The following DSG3 variants were observed in gnomAD, a reference collection of about 807,000 sequenced individuals.
DSG3 encodes the protein desmoglein-3.
In DSG3, 63 loss-of-function variants were observed where a neutral mutation model predicts 85.9. The ratio of observed to expected loss-of-function variants is 0.73; its 90% CI spans 0.60 to 0.90. The LOEUF (loss-of-function observed/expected upper bound fraction) is 0.90. Among genes scored for constraint, DSG3 ranks in the 40% least tolerant of loss-of-function variants. DSG3 has a pLI of 0.00. For missense variants in DSG3, 1,220 were observed against 1,219.9 expected (o/e 1.00, Z 0.00); for synonymous variants, 447 against 441.9 (o/e 1.01, Z -0.14).
chr18:31,464,005 C>T, intron 8 of DSG3, 106 bp from the exon 9 acceptor site: 4 of 1,081,586 alleles, frequency 3.7e-6, no homozygotes, highest in Non-Finnish European at 5.3e-6. Flanking sequence ...TATTTAAAAA[C>T]AAGAGAATTC....
chr18:31,472,487 A>G, intron 13 of DSG3, 64 bp downstream of exon 13: 2 of 1,540,702 alleles, frequency 1.3e-6, no homozygotes, highest in Admixed American at 4.0e-5. Context: ...ATTTACATTG[A>G]GATAGGAAAA....
chr18:31,460,701 C>T, intron 6 of DSG3, 132 bp from the exon 7 acceptor site: 2 of 794,594 alleles, frequency 2.5e-6, no homozygotes, highest in South Asian at 2.1e-5. Context: ...CTCCACCCAA[C>T]CATCCAGAGT....
chr18:31,456,841 C>A, intron 2 of DSG3, 152 bp from the exon 3 acceptor site: 1 of 656,216 alleles, frequency 1.5e-6, no homozygotes. Context: ...TTATTACTTG[C>A]TTGACAAAGT....
chr18:31,471,674 A>T (rs1006838901), intron 12 of DSG3, among the ~76,000 whole-genome samples: 6 of 152,238 alleles, frequency 3.9e-5, no homozygotes, highest in Admixed American at 1.3e-4. Context: ...AAGGATGTGC[A>T]CAGAAAGATA....
intron 15 of DSG3, among the ~76,000 whole-genome samples, chr18:31,474,647 C>CG (rs1568092290): frequency 6.6e-6 from 1 of 152,048 alleles, no homozygotes; most frequent in African/African-American, 2.4e-5. Flanking sequence ...CCCAGCTACT[C>CG]GGGAGGCTGA....
intron 3 of DSG3, among the ~76,000 whole-genome samples, chr18:31,457,844 T>C (rs1400588145): frequency 1.3e-5 from 2 of 151,976 alleles, no homozygotes; most frequent in Non-Finnish European, 2.9e-5. Context: ...TTGGCCAGGC[T>C]GATCTCGAAC....
chr18:31,459,816 C>T, intron 5 of DSG3, 29 bp from the exon 6 acceptor site: 1 of 1,571,994 alleles, frequency 6.4e-7, no homozygotes, highest in African/African-American at 1.4e-5. Flanking sequence ...GTTACATATT[C>T]TTTAATAAAC....
intron 8 of DSG3, among the ~76,000 whole-genome samples, chr18:31,462,207 GGTCC>G (rs1406222456): frequency 6.6e-6 from 1 of 152,004 alleles, no homozygotes; most frequent in Non-Finnish European, 1.5e-5. Flanking sequence ...TGAGTAGCAG[GGTCC>G]GCATCATGTG....
In DSG3 at chr18:31,458,554, TTAACATAACAGCTATAG is replaced by T. The variant is rs1265811283; in HGVS notation, c.328_344del (p.Asn110ArgfsTer31). 5.0e-6 allele frequency: 8 copies of T among 1,613,938 alleles called. No homozygotes were observed. Among genetic ancestry groups the T allele is most frequent in the Non-Finnish European group, 5.1e-6 (6 of 1,179,968 alleles). ...GTTGTTGACAAAAACACTGGAGATA[TTAACATAACAGCTATAG>T]TCGACCGGGAGGAAACTCCAAGCTT... On this transcript the variant is annotated frameshift_variant, in exon 4 of 16. Coordinates refer to ENST00000257189, the MANE Select transcript of DSG3 (RefSeq NM_001944.3). LOFTEE classifies it high-confidence loss of function.
At chr18:31,463,967 A>G in intron 8 of DSG3, 144 bp from the exon 9 acceptor site, 1 of 799,788 alleles carries the variant, frequency 1.3e-6, no homozygotes, top group East Asian at 2.7e-5. Flanking sequence ...CTGTCTCAAC[A>G]TTACAATAAT....
At chr18:31,452,467 C>T (rs2072717247) in intron 1 of DSG3, among the ~76,000 whole-genome samples, 1 of 131,618 alleles carries the variant, frequency 7.6e-6, no homozygotes, top group Non-Finnish European at 1.5e-5. Flanking sequence ...TGCAGTGAGC[C>T]GAGATGGCGC....
In DSG3 at chr18:31,474,374, C is replaced by T. The variant is rs1438971697; in HGVS notation, c.2355C>T (p.Ser785=). 2 of 1,608,032 alleles carry T rather than the reference C, an allele frequency of 1.2e-6. No homozygotes were observed. Among genetic ancestry groups the T allele is most frequent in the Middle Eastern group, 1.7e-4 (1 of 6,030 alleles). The change falls in exon 15 of 16, where the codon AGC becomes AGT. Residue 785 remains serine (S), a synonymous_variant. Transcript: ENST00000257189. The part of the protein sequence containing the change: ...TNKDYADGAI[S]MNFLDSYFSQ... ...AGGACTACGCTGATGGGGCGATAAGCATGAATTTTCTGGACTCCTACTTTT... is the reference window on the plus strand; with the variant it reads ...AGGACTACGCTGATGGGGCGATAAGTATGAATTTTCTGGACTCCTACTTTT...
At chr18:31,462,853 C>T (rs1043637861) in intron 8 of DSG3, among the ~76,000 whole-genome samples, 4 of 152,172 alleles carry the variant, frequency 2.6e-5, no homozygotes, top group African/African-American at 9.6e-5. Flanking sequence ...TTCTTAAAAA[C>T]AATTTGGATC....
At position 31,457,003 on chromosome 18, in the gene DSG3, A is replaced by T. The variant is rs576824801; in HGVS notation, c.95A>T (p.Gln32Leu). Residue 32 changes from glutamine to leucine, a missense_variant, in exon 3 of 16, where the codon CAA becomes CTA. By Grantham distance (113) the Gln-to-Leu change is moderately radical. Transcript: ENST00000257189. ...HGELRIETKG[Q>L]YDEEEMTMQQ... ...CCCTTTTTACATAAGACTAAAGGTCAATATGATGAAGAAGAGATGACTATG... is the reference window on the plus strand; with the variant it reads ...CCCTTTTTACATAAGACTAAAGGTCTATATGATGAAGAAGAGATGACTATG... 12 of 1,608,410 alleles carry T rather than the reference A, an allele frequency of 7.5e-6. No individual in the cohort carries two copies. The African/African-American group carries it at 1.5e-4, about 20-fold the overall frequency.
intron 1 of DSG3, 49 bp from the exon 2 acceptor site, chr18:31,456,391 C>T (rs1330878082): frequency 8.6e-7 from 1 of 1,159,664 alleles, no homozygotes; most frequent in Non-Finnish European, 1.1e-6. Flanking sequence ...TATATAATTC[C>T]TTATTTGAAG....
rs2072725669 is a variant in DSG3, at chr18:31,453,839, T to A, written c.49-2601T>A. Among the ~76,000 whole-genome samples the A allele has an allele frequency of 4.6e-5, 7 of 152,094 alleles. No individual in the cohort carries two copies. The South Asian group carries it at 1.4e-3, about 31-fold the overall frequency. On this transcript the variant is annotated intron_variant, in intron 1 of 15. Transcript: ENST00000257189. ...ATCGTCAGAAAACTATGTAAATATT[T>A]ATTGGCTTGATTTAGTCATTCCACA...
At chr18:31,475,540 A>T in intron 15 of DSG3, 106 bp from the exon 16 acceptor site, 1 of 1,316,782 alleles carries the variant, frequency 7.6e-7, no homozygotes, top group Non-Finnish European at 1.0e-6. Flanking sequence ...TCTATGGATT[A>T]CCTAGTTTGG....
In DSG3 at chr18:31,460,849, G is replaced by T; in HGVS notation, c.701G>T (p.Arg234Leu). ...SLDREQASSY[R>L]LVVSGADKDG... ...CAAAATTAGCAAGCTAGCAGCTATC[G>T]TCTGGTTGTGAGTGGTGCAGACAAA... is the stretch of plus-strand genomic sequence containing the variant. The change falls in exon 7 of 16, where the codon CGT becomes CTT. Residue 234 changes from arginine (R) to leucine (L), a missense_variant. Coordinates refer to ENST00000257189, the MANE Select transcript of DSG3 (RefSeq NM_001944.3). 1.9e-6 allele frequency: 3 copies of T among 1,581,094 alleles called. No homozygotes were observed. Among genetic ancestry groups the T allele is most frequent in the South Asian group, 1.2e-5 (1 of 83,610 alleles).
intron 3 of DSG3, among the ~76,000 whole-genome samples, chr18:31,457,608 CTTTCTTTCTT>C (rs2072756375): frequency 3.1e-5 from 3 of 97,432 alleles, no homozygotes; most frequent in African/African-American, 1.0e-4. Flanking sequence ...TTCTTTCTTT[CTTTCTTTCTT>C]TCTTTCTTTC....
Sources: allele counts gnomAD v4.1 joint callset (sites outside exome capture counted in the v4.1 genomes callset), GRCh38; gene constraint gnomAD v4.1.1; transcripts MANE v1.5; gene names NCBI Gene and HGNC (gene_info 2026-07-23, HGNC 2026-07-21).